The following LRFN5 variants were observed in gnomAD, a reference collection of about 807,000 sequenced individuals.
LRFN5 encodes leucine rich repeat and fibronectin type III domain containing 5.
In LRFN5, 24 loss-of-function variants were observed where a neutral mutation model predicts 45.6. That is an observed-to-expected ratio of 0.53 (90% CI 0.38 to 0.74). The LOEUF (loss-of-function observed/expected upper bound fraction) is 0.74. Ranked by LOEUF, LRFN5 falls within the 30% of genes least tolerant of loss-of-function variation. The probability of loss-of-function intolerance (pLI) is 0.00; values close to 1 mark genes in which losing one functional copy is unlikely to be tolerated. For missense variants in LRFN5, 776 were observed against 861.5 expected, an observed-to-expected ratio of 0.90 and a Z score of 1.24; for synonymous variants, 340 against 313.8, an observed-to-expected ratio of 1.08 and a Z score of -0.88.
intron 1 of LRFN5, among the ~76,000 whole-genome samples, chr14:41,647,677 G>T (rs893444480): frequency 5.3e-5 from 8 of 152,146 alleles, no homozygotes; most frequent in African/African-American, 1.9e-4. Context: ...GTTCAGGTTT[G>T]GGCATGTTTA....
chr14:41,743,322 T>G (rs1884786501), intron 1 of LRFN5, among the ~76,000 whole-genome samples: 1 of 148,048 alleles, frequency 6.8e-6, no homozygotes, highest in Non-Finnish European at 1.5e-5. Context: ...GAAATATACA[T>G]GGTGTATGCT....
At chr14:41,707,024 G>A (rs1226659920) in intron 1 of LRFN5, among the ~76,000 whole-genome samples, 1 of 152,112 alleles carries the variant, frequency 6.6e-6, no homozygotes, top group Non-Finnish European at 1.5e-5. Flanking sequence ...AGGTGCACTT[G>A]CTCCCTCCCT....
intron 1 of LRFN5, among the ~76,000 whole-genome samples, chr14:41,722,667 C>G (rs1425046239): frequency 6.6e-6 from 1 of 151,790 alleles, no homozygotes; most frequent in Non-Finnish European, 1.5e-5. Flanking sequence ...CTCTATAGCC[C>G]TATGCATTTC....
At chr14:41,856,679 T>TATTATTATTTTTTTTTTTTTTTTA (rs1566486513) in intron 2 of LRFN5, among the ~76,000 whole-genome samples, 1 of 60,100 alleles carries the variant, frequency 1.7e-5, no homozygotes, top group Non-Finnish European at 3.7e-5. Context: ...ATTATTATTT[T>TATTATTATTTTTTTTTTTTTTTTA]TTTTTTTTTT....
At chr14:41,716,437 G>A (rs1448038896) in intron 1 of LRFN5, among the ~76,000 whole-genome samples, 1 of 152,156 alleles carries the variant, frequency 6.6e-6, no homozygotes, top group African/African-American at 2.4e-5. Flanking sequence ...CCTCTTCAGT[G>A]CTTTGCTGCT....
chr14:41,892,241 T>C, intron 4 of LRFN5: 1 of 984,936 alleles, frequency 1.0e-6, no homozygotes, highest in Non-Finnish European at 1.2e-6. Context: ...ACATAGAAGA[T>C]TGGAATTTGC....
At position 41,640,525 on chromosome 14, in the gene LRFN5, A is replaced by G. The variant is rs529550005; in HGVS notation, c.-197+31963A>G. On this transcript the variant is annotated intron_variant, in intron 1 of 5. Transcript: ENST00000298119. ...ATTGTACTTGTGTTTATATCTTTGA[A>G]GGAGAAATACACAGGAAAGATTAGG... Among the ~76,000 whole-genome samples, 22 of 152,222 alleles carry G rather than the reference A, an allele frequency of 1.4e-4. No homozygotes were observed. In the East Asian group the frequency reaches 4.3e-3, roughly 29 times the overall value.
At chr14:41,834,193 A>G (rs1594450218) in intron 2 of LRFN5, among the ~76,000 whole-genome samples, 1 of 152,246 alleles carries the variant, frequency 6.6e-6, no homozygotes, top group East Asian at 1.9e-4. Flanking sequence ...CATTCAGGGA[A>G]CCTCAGTATT....
At chr14:41,773,275 T>G (rs1387534791) in intron 2 of LRFN5, among the ~76,000 whole-genome samples, 3 of 152,186 alleles carry the variant, frequency 2.0e-5, no homozygotes, top group Non-Finnish European at 4.4e-5. Flanking sequence ...GCAGCTCACT[T>G]TTTTTGCCTG....
intron 1 of LRFN5, among the ~76,000 whole-genome samples, chr14:41,634,088 C>T (rs1888644539): frequency 6.6e-6 from 1 of 152,038 alleles, no homozygotes; most frequent in Admixed American, 6.6e-5. Flanking sequence ...TTTCAATTTC[C>T]TTCAGTGTCA....
chr14:41,684,154 C>T (rs1416988864), intron 1 of LRFN5, among the ~76,000 whole-genome samples: 3 of 152,092 alleles, frequency 2.0e-5, no homozygotes, highest in Non-Finnish European at 2.9e-5. Flanking sequence ...GAACTATTTT[C>T]GACCAAGGTG....
chr14:41,859,111 C>G (rs1889574202), intron 2 of LRFN5, among the ~76,000 whole-genome samples: 1 of 152,118 alleles, frequency 6.6e-6, no homozygotes, highest in Admixed American at 6.6e-5. Flanking sequence ...AAATTATTCT[C>G]ACCAGGGCCA....
At chr14:41,638,082 C>A (rs1879387760) in intron 1 of LRFN5, among the ~76,000 whole-genome samples, 1 of 152,028 alleles carries the variant, frequency 6.6e-6, no homozygotes, top group Non-Finnish European at 1.5e-5. Context: ...GCTGTGATAT[C>A]CTAAATGCAT....
At chr14:41,630,440 A>G (rs1292078749) in intron 1 of LRFN5, among the ~76,000 whole-genome samples, 1 of 152,126 alleles carries the variant, frequency 6.6e-6, no homozygotes, top group Non-Finnish European at 1.5e-5. Context: ...TGCTTTTGAG[A>G]AATGCATGTC....
intron 2 of LRFN5, among the ~76,000 whole-genome samples, chr14:41,886,342 CG>C (rs1269775362): frequency 6.6e-6 from 1 of 152,018 alleles, no homozygotes; most frequent in Non-Finnish European, 1.5e-5. Flanking sequence ...TAAAAAATGG[CG>C]CTTAATTTGC....
chr14:41,832,554 A>G (rs1387157759), intron 2 of LRFN5, among the ~76,000 whole-genome samples: 1 of 152,196 alleles, frequency 6.6e-6, no homozygotes, highest in African/African-American at 2.4e-5. Flanking sequence ...AATTTTCACT[A>G]GAGGGTCATT....
At chr14:41,868,936 A>T (rs1373651397) in intron 2 of LRFN5, among the ~76,000 whole-genome samples, 1 of 152,172 alleles carries the variant, frequency 6.6e-6, no homozygotes, top group Admixed American at 6.6e-5. Context: ...TCACTGGCAA[A>T]TAAACATAGT....
chr14:41,759,990 T>C (rs551958954), intron 1 of LRFN5, among the ~76,000 whole-genome samples: 1 of 152,318 alleles, frequency 6.6e-6, no homozygotes, highest in African/African-American at 2.4e-5. Flanking sequence ...ACCTGGTTTT[T>C]TCCAGTGGTT....
chr14:41,842,070 T>C (rs988124818), intron 2 of LRFN5, among the ~76,000 whole-genome samples: 1 of 151,998 alleles, frequency 6.6e-6, no homozygotes, highest in African/African-American at 2.4e-5. Flanking sequence ...ATGAATATGG[T>C]GGGACTAATT....
Sources: gnomAD v4.1 joint callset for allele counts (sites outside exome capture counted in the v4.1 genomes callset) on GRCh38, gnomAD v4.1.1 for gene constraint, MANE v1.5 for transcripts, NCBI Gene and HGNC (gene_info 2026-07-23, HGNC 2026-07-21) for gene names.